The following PASD1 variants were observed in gnomAD, a reference collection of about 807,000 sequenced individuals.
The protein encoded by PASD1 is PAS domain containing repressor 1, also known as circadian clock protein PASD1.
A neutral mutation model predicts 58.8 loss-of-function variants in PASD1; 13 were observed. The ratio of observed to expected loss-of-function variants is 0.22; its 90% CI spans 0.14 to 0.35. The LOEUF is 0.35. Ranked by LOEUF, PASD1 falls within the 10% of genes least tolerant of loss-of-function variation. The pLI, the probability that PASD1 is intolerant of heterozygous loss-of-function variation, is 1.00. For synonymous variants in PASD1, 236 were observed against 216.7 expected (o/e 1.09, Z -0.78); for missense variants, 734 against 568.3 (o/e 1.29, Z -2.96).
At chrX:151,581,226 TCAAAAA>T (rs1320173365) in intron 1 of PASD1, among the ~76,000 whole-genome samples, 91 of 1,991 alleles carry the variant, frequency 0.046, 1 homozygote, top group African/African-American at 0.1. Flanking sequence ...AAGCTCTGTA[TCAAAAA>T]AAAAAAAAAA....
At chrX:151,641,219 A>T (rs2013992156) in intron 8 of PASD1, 1 of 111,187 alleles carries the variant, frequency 9.0e-6, no homozygotes, top group African/African-American at 3.3e-5. Flanking sequence ...AACCAAAAAA[A>T]AAGCACATTA....
At chrX:151,646,161 T>G (rs1487595062) in intron 8 of PASD1, among the ~76,000 whole-genome samples, 1 of 111,876 alleles carries the variant, frequency 8.9e-6, no homozygotes, top group Non-Finnish European at 1.9e-5. Flanking sequence ...CCTCCCACCT[T>G]GGCCTCCCAG....
At chrX:151,604,274 G>T (rs775378789) in intron 2 of PASD1, among the ~76,000 whole-genome samples, 1 of 111,927 alleles carries the variant, frequency 8.9e-6, no homozygotes, top group South Asian at 3.7e-4. Context: ...GACTAGGGAA[G>T]GGCTTTGGGA....
intron 9 of PASD1, 73 bp from the exon 10 acceptor site, chrX:151,659,640 A>T (rs2014286146): frequency 3.0e-6 from 3 of 1,004,946 alleles, no homozygotes; most frequent in Non-Finnish European, 4.0e-6. Context: ...CAAAGTTTGT[A>T]TTCTGCCTGT....
chrX:151,619,289 G>A, intron 4 of PASD1, among the ~76,000 whole-genome samples: 1 of 111,595 alleles, frequency 9.0e-6, no homozygotes, highest in African/African-American at 3.3e-5. Context: ...GACCGAGGGA[G>A]GAACATATTT....
At chrX:151,602,944 C>A (rs934525707) in intron 2 of PASD1, among the ~76,000 whole-genome samples, 1 of 112,163 alleles carries the variant, frequency 8.9e-6, no homozygotes, top group African/African-American at 3.2e-5. Flanking sequence ...CTCCCTGAGA[C>A]GGTTTGGTCC....
In PASD1 at chrX:151,657,775, G is replaced by A. The variant is rs59326233; in HGVS notation, c.718-1938G>A. Among the ~76,000 whole-genome samples the A allele has an allele frequency of 3.2e-3, 347 of 108,671 alleles. 2 individuals are homozygous for A. Among genetic ancestry groups the A allele is most frequent in the African/African-American group, 0.011 (334 of 29,920 alleles). The allele number at this position is 108,671 out of a possible 115,157, so 94.4% of individuals were successfully genotyped here. The stretch of plus-strand genomic sequence containing the variant: ...TTTCTTCTTTATTAGTCTTGCTAGC[G>A]GTCTATCAATTTTGTTGATCTTTTC... On this transcript the variant is annotated intron_variant, in intron 9 of 15. Transcript: ENST00000370357.
At position 151,673,923 on chromosome X, in the gene PASD1, T is replaced by G; in HGVS notation, c.1917-5T>G. 8.3e-7 allele frequency: 1 copy of G among 1,211,119 alleles called. No individual in the cohort carries two copies. Among genetic ancestry groups the G allele is most frequent in the Non-Finnish European group, 1.1e-6 (1 of 894,965 alleles). ...CATCACTGCAACAGCTTTCTTCTCT[T>G]ACAGTTTTTATCCTGAGGCGTATCA... is the stretch of plus-strand genomic sequence containing the variant. On this transcript the variant is annotated splice_region_variant and splice_polypyrimidine_tract_variant and intron_variant, in intron 14 of 15. Transcript: ENST00000370357.
chrX:151,654,809 A>T (rs2014215229), intron 9 of PASD1, among the ~76,000 whole-genome samples: 1 of 110,517 alleles, frequency 9.0e-6, no homozygotes, highest in African/African-American at 3.3e-5. Context: ...TATAGAGATG[A>T]TTTCTAAACT....
chrX:151,659,384 T>C (rs1299943597), intron 9 of PASD1, among the ~76,000 whole-genome samples: 2 of 112,079 alleles, frequency 1.8e-5, no homozygotes, highest in Non-Finnish European at 3.8e-5. Flanking sequence ...AGCATCCTAC[T>C]GACACCACTG....
At chrX:151,575,875 T>C (rs908051149) in intron 1 of PASD1, among the ~76,000 whole-genome samples, 3 of 110,071 alleles carry the variant, frequency 2.7e-5, no homozygotes, top group Admixed American at 9.7e-5. Flanking sequence ...TATTTATTTA[T>C]TCTTTTGAGA....
intron 1 of PASD1, among the ~76,000 whole-genome samples, chrX:151,568,841 T>TA (rs2012885654): frequency 1.8e-5 from 2 of 111,558 alleles, no homozygotes; most frequent in Admixed American, 1.9e-4. Flanking sequence ...CAATGCACCT[T>TA]AGACTTTTCG....
intron 4 of PASD1, among the ~76,000 whole-genome samples, chrX:151,613,773 A>G (rs968100058): frequency 1.8e-5 from 2 of 111,768 alleles, no homozygotes; most frequent in African/African-American, 6.5e-5. Flanking sequence ...TGTTGTCAAA[A>G]TGTGTCCCTG....
At chrX:151,627,855 C>G (rs754972085) in intron 8 of PASD1, among the ~76,000 whole-genome samples, 1 of 111,643 alleles carries the variant, frequency 9.0e-6, no homozygotes, top group Non-Finnish European at 1.9e-5. Flanking sequence ...TCCACATCCT[C>G]TCCAGCACCT....
At chrX:151,609,976 A>G (rs1039866190) in intron 3 of PASD1, among the ~76,000 whole-genome samples, 1 of 111,021 alleles carries the variant, frequency 9.0e-6, no homozygotes, top group South Asian at 3.8e-4. Context: ...TCCCAAAACT[A>G]TTTGTTTTGT....
chrX:151,564,751 G>A lies in PASD1; in HGVS notation c.-28+912G>A, dbSNP rs1209928169. On this transcript the variant is annotated intron_variant, in intron 1 of 15. Coordinates refer to ENST00000370357, the MANE Select transcript of PASD1 (RefSeq NM_173493.3). ...AAAAAAAATTAGCTGGGCGTGTGGT[G>A]CCCAACTAGTCAGGAGGCTGAGGTG... Among the ~76,000 whole-genome samples the A allele has an allele frequency of 2.7e-5, 3 of 109,307 alleles. No individual in the cohort carries two copies. The Admixed American group carries it at 2.9e-4, about 11-fold the overall frequency. The allele number at this position is 109,307 out of a possible 115,157, so 94.9% of individuals were successfully genotyped here.
At chrX:151,659,685 C>A in intron 9 of PASD1, 28 bp from the exon 10 acceptor site, 1 of 1,179,048 alleles carries the variant, frequency 8.5e-7, no homozygotes, top group South Asian at 1.9e-5. Context: ...AATGCAATGT[C>A]CTATCTTTCT....
chrX:151,658,361 C>T (rs2014272466), intron 9 of PASD1, among the ~76,000 whole-genome samples: 1 of 112,516 alleles, frequency 8.9e-6, no homozygotes, highest in African/African-American at 3.2e-5. Flanking sequence ...ACCATTACTG[C>T]ACATGATGCT....
chrX:151,612,481 G>C (rs1437118792), intron 4 of PASD1, among the ~76,000 whole-genome samples: 197 of 109,677 alleles, frequency 1.8e-3, no homozygotes, highest in Non-Finnish European at 2.8e-3. Flanking sequence ...AGCACCTGTC[G>C]TTTCCTGACT....
Sources: allele counts gnomAD v4.1 joint callset (sites outside exome capture counted in the v4.1 genomes callset), GRCh38; gene constraint gnomAD v4.1.1; transcripts MANE v1.5; gene names NCBI Gene and HGNC (gene_info 2026-07-23, HGNC 2026-07-21).